The following AP2A1 variants were observed in gnomAD, a reference collection of about 807,000 sequenced individuals.
The protein encoded by AP2A1 is AP-2 complex subunit alpha-1.
In AP2A1, 21 loss-of-function variants were observed where a neutral mutation model predicts 107.3. The ratio of observed to expected loss-of-function variants is 0.20; its 90% CI spans 0.14 to 0.28. The LOEUF is 0.28. Ranked by LOEUF, AP2A1 falls within the 10% of genes least tolerant of loss-of-function variation. The probability of loss-of-function intolerance (pLI) is 1.00; values close to 1 mark genes in which losing one functional copy is unlikely to be tolerated. For synonymous variants in AP2A1, 602 were observed against 564.8 expected, an observed-to-expected ratio of 1.07 and a Z score of -0.93; for missense variants, 873 against 1,307.7, an observed-to-expected ratio of 0.67 and a Z score of 5.13.
chr19:49,772,784 G>A (rs1478907413), intron 1 of AP2A1, among the ~76,000 whole-genome samples: 3 of 152,134 alleles, frequency 2.0e-5, no homozygotes, highest in Non-Finnish European at 2.9e-5. Flanking sequence ...ACAGGCGTGA[G>A]CCACCGCGCC....
At chr19:49,797,820 A>G (rs2073230471) in intron 7 of AP2A1, among the ~76,000 whole-genome samples, 2 of 151,980 alleles carry the variant, frequency 1.3e-5, no homozygotes, top group African/African-American at 2.4e-5. Flanking sequence ...AGTGGCTAAC[A>G]CTGTCATCCC....
In AP2A1 at chr19:49,799,485, A is replaced by C. The variant is rs745596176; in HGVS notation, c.1124A>C (p.Asn375Thr). ...AAGACGCACATTGACACCGTCATCA[A>C]TGCCCTCAAGGTGTGAGCCCTTGGA... Reference protein sequence around the residue: ...AVKTHIDTVINALKTERDVSV... With the variant: ...AVKTHIDTVITALKTERDVSV... The change falls in exon 9 of 23, where the codon AAT (asparagine) becomes ACT (threonine). Residue 375 changes from asparagine (N) to threonine (T), a missense_variant. Around this residue, in one of 4 missense-constraint regions of AP2A1, gnomAD observed 213 missense variants for 443.5 expected, o/e 0.48. Coordinates refer to ENST00000354293, the MANE Select transcript of AP2A1 (RefSeq NM_130787.3). 1 of 1,611,522 alleles carries C rather than the reference A, an allele frequency of 6.2e-7. No individual in the cohort carries two copies. Among genetic ancestry groups the C allele is most frequent in the East Asian group, 2.2e-5 (1 of 44,858 alleles).
intron 6 of AP2A1, among the ~76,000 whole-genome samples, chr19:49,793,898 CTTT>C (rs956804227): frequency 2.6e-3 from 192 of 74,522 alleles, no homozygotes; most frequent in African/African-American, 8.2e-3. Context: ...CTCATTGTTT[CTTT>C]TTTTTTTTTT....
intron 10 of AP2A1, 31 bp from the exon 11 acceptor site, chr19:49,799,937 G>C (rs1335166388): frequency 6.2e-7 from 1 of 1,606,740 alleles, no homozygotes; most frequent in East Asian, 2.2e-5. Context: ...ATGGCCTGCG[G>C]CACACTCTCT....
In AP2A1 at chr19:49,785,930, A is replaced by G. The variant is rs1170705894; in HGVS notation, c.473+3206A>G. Among the ~76,000 whole-genome samples the G allele has an allele frequency of 2.0e-5, 3 of 150,652 alleles. No individual in the cohort carries two copies. The East Asian group carries it at 5.8e-4, about 29-fold the overall frequency. On this transcript the variant is annotated intron_variant, in intron 4 of 22. Transcript: ENST00000354293. This position sits in a 1 kb window ranked among gnomAD's most constrained non-coding sequence, Gnocchi z 4.1. ...AGACTCCATCTCAAAAAAAAAAAAC[A>G]TTAGTGGGGTGCAGTGGTGCACACC...
intron 1 of AP2A1, among the ~76,000 whole-genome samples, chr19:49,769,530 C>T (rs184195071): frequency 2.0e-5 from 3 of 152,022 alleles, no homozygotes; most frequent in East Asian, 1.9e-4. Flanking sequence ...CCTGAGGTTG[C>T]GGCATGCTTG....
rs1288667142 is a variant in AP2A1, at chr19:49,798,920, C to T, written c.933C>T (p.Phe311=). 16 of 1,555,698 alleles carry T rather than the reference C, an allele frequency of 1.0e-5. No individual in the cohort carries two copies. The highest frequency in any genetic ancestry group is 9.7e-5 in the East Asian group (4 of 41,184). The change falls in exon 8 of 23, where the codon TTC becomes TTT. Residue 311 remains phenylalanine (F), a synonymous_variant. Transcript: ENST00000354293. ...QHSNAKNAIL[F]ETISLIIHYD... is the part of the protein sequence containing the mutation. ...CCAACGCCAAGAACGCCATCCTCTT[C>T]GAGACCATCAGCCTCATCATCCACT...
chr19:49,791,437 G>T (rs1400523244), intron 4 of AP2A1, among the ~76,000 whole-genome samples: 1 of 152,058 alleles, frequency 6.6e-6, no homozygotes, highest in Admixed American at 6.6e-5. Context: ...CTGTCGCCCA[G>T]GCTGGTCTTG....
rs2073148123 is a variant in AP2A1, at chr19:49,791,961, G to A, written c.500G>A (p.Ser167Asn). ...GACAGCATGGACAGTGTCAAGCAGA[G>A]TGCGGCCCTGTGCCTCCTTCGACTG... ...AGDSMDSVKQ[S>N]AALCLLRLYK... Residue 167 changes from serine (S) to asparagine (N), a missense_variant, in exon 5 of 23, where the codon AGT (serine) becomes AAT (asparagine). Coordinates refer to ENST00000354293, the MANE Select transcript of AP2A1 (RefSeq NM_130787.3). 6.2e-7 allele frequency: 1 copy of A among 1,611,336 alleles called. No homozygotes were observed. The highest frequency in any genetic ancestry group is 1.3e-5 in the African/African-American group (1 of 74,798).
At chr19:49,779,517 A>C (rs2084653097) in intron 1 of AP2A1, among the ~76,000 whole-genome samples, 1 of 151,064 alleles carries the variant, frequency 6.6e-6, no homozygotes, top group Non-Finnish European at 1.5e-5. Context: ...AAAAACAGAA[A>C]CAGGCAAAAT....
intron 1 of AP2A1, among the ~76,000 whole-genome samples, chr19:49,773,310 C>T (rs1031030909): frequency 6.6e-6 from 1 of 152,138 alleles, no homozygotes; most frequent in Admixed American, 6.5e-5. Flanking sequence ...GAGAGTTGGA[C>T]GAGTGAGCCA....
In AP2A1 at chr19:49,799,417, C is replaced by T; in HGVS notation, c.1056C>T (p.Ser352=). Residue 352 remains serine (S), a synonymous_variant, in exon 9 of 23, where the codon AGC becomes AGT. Transcript: ENST00000354293. ...ETNLRYLALE[S]MCTLASSEFS... ...ACCTGCGCTACCTGGCCCTGGAGAG[C>T]ATGTGCACGCTGGCCAGCTCCGAGT... 1 of 1,612,228 alleles carries T rather than the reference C, an allele frequency of 6.2e-7. No homozygotes were observed. The highest frequency in any genetic ancestry group is 1.3e-5 in the African/African-American group (1 of 75,014).
intron 4 of AP2A1, among the ~76,000 whole-genome samples, chr19:49,791,134 C>T (rs1193172503): frequency 6.6e-6 from 1 of 152,246 alleles, no homozygotes. Flanking sequence ...TTCCTGATGG[C>T]CTTGGCACAG....
At chr19:49,803,070 A>G (rs752096288) in intron 16 of AP2A1, 37 bp from the exon 17 acceptor site, 1 of 1,613,448 alleles carries the variant, frequency 6.2e-7, no homozygotes, top group African/African-American at 1.3e-5. Context: ...AGGTGCAGAC[A>G]GGCACCCCCG....
At chr19:49,771,160 GCTT>G (rs1367531635) in intron 1 of AP2A1, among the ~76,000 whole-genome samples, 1 of 151,652 alleles carries the variant, frequency 6.6e-6, no homozygotes, top group Non-Finnish European at 1.5e-5. Context: ...AGCATTCAGA[GCTT>G]CTTTTGGGTT....
intron 4 of AP2A1, among the ~76,000 whole-genome samples, chr19:49,789,609 T>G (rs929883989): frequency 9.4e-6 from 1 of 106,446 alleles, no homozygotes; most frequent in Non-Finnish European, 1.9e-5. Context: ...TTTTTTTTTT[T>G]GTAGAGACAG....
intron 18 of AP2A1, chr19:49,803,611 CAG>C: frequency 1.8e-6 from 1 of 557,080 alleles, no homozygotes; most frequent in South Asian, 2.0e-5. Context: ...CCACCTGCTC[CAG>C]GCCTCATTTT....
chr19:49,789,972 C>G (rs539057523), intron 4 of AP2A1, among the ~76,000 whole-genome samples: 2 of 152,204 alleles, frequency 1.3e-5, no homozygotes, highest in African/African-American at 4.8e-5. Flanking sequence ...AGTCAGCCCT[C>G]TGAGATGGGC....
chr19:49,781,675 G>C lies in AP2A1; in HGVS notation c.68-82G>C, dbSNP rs527316321. ...CGGAGAAGATCTGCCCTTCCTGCTG[G>C]GTGGGGCCGCGCCTAGGAAAGAGAG... On this transcript the variant is annotated intron_variant, in intron 1 of 22. Transcript: ENST00000354293. The C allele has an allele frequency of 3.6e-4, 499 of 1,394,542 alleles. 6 individuals carry two copies. In the East Asian group the frequency reaches 0.012, roughly 34 times the overall value. The allele number at this position is 1,394,542 out of a possible 1,614,324, so 86.4% of individuals were successfully genotyped here. A position where few individuals can be genotyped will look rare whatever the true frequency, so the allele number is the denominator to read the frequency against.
Sources: gnomAD v4.1 joint callset for allele counts (sites outside exome capture counted in the v4.1 genomes callset) on GRCh38, gnomAD v4.1.1 for gene constraint, gnomAD v4.1.1 regional missense constraint, Gnocchi (gnomAD v3.1) non-coding constraint, MANE v1.5 for transcripts, NCBI Gene and HGNC (gene_info 2026-07-23, HGNC 2026-07-21) for gene names.